The following CD300LB variants were observed in gnomAD, a reference collection of about 807,000 sequenced individuals.
CD300LB encodes CD300 molecule like family member b.
A neutral mutation model predicts 20.8 loss-of-function variants in CD300LB; 18 were observed. The ratio of observed to expected loss-of-function variants is 0.87; its 90% confidence interval spans 0.60 to 1.28. The LOEUF is 1.28. CD300LB is among the 50% of genes most tolerant of loss of function. The pLI is 0.00. For synonymous variants in CD300LB, 91 were observed against 91.3 expected, an observed-to-expected ratio of 1.00 and a Z score of 0.02; for missense variants, 222 against 251.8, an observed-to-expected ratio of 0.88 and a Z score of 0.80.
At chr17:74,523,171 A>G in intron 3 of CD300LB, 1 of 527,212 alleles carries the variant, frequency 1.9e-6, no homozygotes, top group Admixed American at 3.2e-5. Context: ...CAGAAGCGCC[A>G]GAGGTCACCA....
chr17:74,526,005 T>A lies in CD300LB; in HGVS notation c.113A>T (p.Tyr38Phe), dbSNP rs1382608249. The A allele has an allele frequency of 6.2e-7, 1 of 1,614,174 alleles. No homozygotes were observed. Among genetic ancestry groups the A allele is most frequent in the Admixed American group, 1.7e-5 (1 of 60,018 alleles). ...EQGSLTVQCH[Y>F]KQGWETYIKW... ...AATGTAGGTCTCCCATCCTTGCTTA[T>A]AGTGGCATTGAACCGTCAGGGACCC... The change falls in exon 2 of 4, where the codon TAT (tyrosine) becomes TTT (phenylalanine). Residue 38 changes from tyrosine (Y) to phenylalanine (F), a missense_variant. Physicochemically the swap from Tyr to Phe is conservative, Grantham distance 22. Transcript: ENST00000392621.
At chr17:74,528,632 C>T (rs574673058) in intron 1 of CD300LB, among the ~76,000 whole-genome samples, 26 of 139,338 alleles carry the variant, frequency 1.9e-4, no homozygotes, top group African/African-American at 6.9e-4. Context: ...AGATGCTCCT[C>T]AGTTTTTTTT....
At chr17:74,528,495 C>A (rs530625566) in intron 1 of CD300LB, among the ~76,000 whole-genome samples, 17 of 152,210 alleles carry the variant, frequency 1.1e-4, no homozygotes, top group Non-Finnish European at 1.9e-4. Flanking sequence ...GCAGAACCAA[C>A]TTGATTCTCT....
Position 74,522,064 on chromosome 17 carries a change from G to A in CD300LB, c.*674C>T. The A allele has an allele frequency of 2.0e-6, 2 of 985,518 alleles. No individual in the cohort carries two copies. Among genetic ancestry groups the A allele is most frequent in the South Asian group, 9.4e-5 (2 of 21,286 alleles). The allele number at this position is 985,518 out of a possible 1,614,324, so 61.0% of individuals were successfully genotyped here. A position where few individuals can be genotyped will look rare whatever the true frequency, so the allele number is the denominator to read the frequency against. On this transcript the variant is annotated 3_prime_UTR_variant, in exon 4 of 4. Transcript: ENST00000392621. ...TCGGAGGTGGGGGAATAGGCAGGGA[G>A]CTTGGGGAGCTAGGAGGAGGAAGAG...
At chr17:74,525,513 C>T (rs1391763341) in intron 2 of CD300LB, among the ~76,000 whole-genome samples, 1 of 152,096 alleles carries the variant, frequency 6.6e-6, no homozygotes, top group Non-Finnish European at 1.5e-5. Flanking sequence ...CACCTGGATT[C>T]CTTGGAGAGA....
chr17:74,529,360 C>T lies in CD300LB; in HGVS notation c.40+1951G>A, dbSNP rs930021702. Reference sequence around the variant, plus strand: ...ATAATCTTGTCTTTTGTGTTTCCAACCTCATATCCAACTCGCCACCCCCAA... The same window carrying T: ...ATAATCTTGTCTTTTGTGTTTCCAATCTCATATCCAACTCGCCACCCCCAA... On this transcript the variant is annotated intron_variant, in intron 1 of 3. Coordinates refer to ENST00000392621, the MANE Select transcript of CD300LB (RefSeq NM_174892.4). Among the ~76,000 whole-genome samples the T allele has an allele frequency of 3.0e-4, 45 of 152,200 alleles. 1 individual carries two copies. The highest frequency in any genetic ancestry group is 1.0e-3 in the African/African-American group (43 of 41,528).
intron 1 of CD300LB, among the ~76,000 whole-genome samples, chr17:74,526,471 G>A (rs1908040430): frequency 6.6e-6 from 1 of 152,198 alleles, no homozygotes; most frequent in Non-Finnish European, 1.5e-5. Flanking sequence ...CCAGCACTTT[G>A]GGAAGCCAAG....
At position 74,525,857 on chromosome 17, in the gene CD300LB, G is replaced by C; in HGVS notation, c.261C>G (p.Phe87Leu). 6.2e-7 allele frequency: 1 copy of C among 1,614,138 alleles called. No homozygotes were observed. The highest frequency in any genetic ancestry group is 8.5e-7 in the Non-Finnish European group (1 of 1,180,050). Residue 87 changes from phenylalanine (F) to leucine (L), a missense_variant, in exon 2 of 4, where the codon TTC becomes TTG. By Grantham distance (22) the Phe-to-Leu change is conservative. Transcript: ENST00000392621. ...GCCTGAGCCCCTCCATGGTCACAGT[G>C]AACGTGCGGTCTTTCTGATTGTCCT... ...SIKDNQKDRTFTVTMEGLRRD... is the reference protein window; with the variant it reads ...SIKDNQKDRTLTVTMEGLRRD...
chr17:74,531,308 C>A lies in CD300LB; in HGVS notation c.40+3G>T, dbSNP rs1028176470. ...AAGCGCCCAAGGCCCCAGCCCCACT[C>A]ACCTGAGAGGCTGAGAAGGAGCAGA... On this transcript the variant is annotated splice_donor_region_variant and intron_variant, in intron 1 of 3. Transcript: ENST00000392621. 2.5e-6 allele frequency: 4 copies of A among 1,580,512 alleles called. No individual in the cohort carries two copies. In the African/African-American group the frequency reaches 5.5e-5, roughly 22 times the overall value.
Position 74,531,342 on chromosome 17 carries a change from C to T in CD300LB, c.9G>A (p.Leu3=). MW[L]PPALLLLSLS... ...GGCTGAGAAGGAGCAGAGCAGGGGG[C>T]AGCCACATGGCTCTGCCTTCCCGGC... Residue 3 remains leucine, a synonymous_variant, in exon 1 of 4, where the codon CTG becomes CTA. Coordinates refer to ENST00000392621, the MANE Select transcript of CD300LB (RefSeq NM_174892.4). 1 of 1,607,976 alleles carries T rather than the reference C, an allele frequency of 6.2e-7. No homozygotes were observed. Among genetic ancestry groups the T allele is most frequent in the Non-Finnish European group, 8.5e-7 (1 of 1,176,922 alleles).
At chr17:74,523,687 A>G in intron 2 of CD300LB, 36 bp from the exon 3 acceptor site, 3 of 1,468,242 alleles carry the variant, frequency 2.0e-6, no homozygotes, top group Non-Finnish European at 1.9e-6. Flanking sequence ...GGTTATTAGC[A>G]CAGTTGGGAG....
chr17:74,530,551 A>ACC (rs946365403), intron 1 of CD300LB, among the ~76,000 whole-genome samples: 5 of 8,724 alleles, frequency 5.7e-4, no homozygotes, highest in African/African-American at 3.8e-3. Context: ...AGGTCCCCCA[A>ACC]CACACACACA....
In CD300LB at chr17:74,525,943, T is replaced by C. The variant is rs1908019299; in HGVS notation, c.175A>G (p.Lys59Glu). The change falls in exon 2 of 4, where the codon AAG (lysine) becomes GAG (glutamate). Residue 59 changes from lysine (K) to glutamate (E), a missense_variant. Physicochemically the swap from Lys to Glu is moderately conservative, Grantham distance 56 (BLOSUM62 1). Coordinates refer to ENST00000392621, the MANE Select transcript of CD300LB (RefSeq NM_174892.4). ...WCRGVRWDTC[K>E]ILIETRGSEQ... is the part of the protein sequence containing the mutation. ...GACCCTCTGGTTTCAATGAGGATCT[T>C]GCATGTATCCCAGCGCACCCCTCGG... is the stretch of plus-strand genomic sequence containing the variant. 3 of 1,614,166 alleles carry C rather than the reference T, an allele frequency of 1.9e-6. No homozygotes were observed. Among genetic ancestry groups the C allele is most frequent in the Non-Finnish European group, 2.5e-6 (3 of 1,180,030 alleles).
At chr17:74,529,374 C>T (rs956856280) in intron 1 of CD300LB, among the ~76,000 whole-genome samples, 2 of 152,092 alleles carry the variant, frequency 1.3e-5, no homozygotes, top group African/African-American at 4.8e-5. Flanking sequence ...ATATCCAACT[C>T]GCCACCCCCA....
At chr17:74,524,014 A>T (rs1191117022) in intron 2 of CD300LB, among the ~76,000 whole-genome samples, 1 of 152,176 alleles carries the variant, frequency 6.6e-6, no homozygotes, top group Non-Finnish European at 1.5e-5. Context: ...GTGCCTGAGC[A>T]GGGCTTAAGG....
intron 2 of CD300LB, among the ~76,000 whole-genome samples, chr17:74,524,324 C>T (rs1907968556): frequency 6.6e-6 from 1 of 152,154 alleles, no homozygotes; most frequent in African/African-American, 2.4e-5. Flanking sequence ...CACGGTGGTT[C>T]ACGCCTGTAA....
In CD300LB at chr17:74,522,513, A is replaced by G; in HGVS notation, c.*225T>C. The G allele has an allele frequency of 7.6e-7, 1 of 1,322,842 alleles. No homozygotes were observed. The highest frequency in any genetic ancestry group is 3.1e-5 in the East Asian group (1 of 32,064). The allele number at this position is 1,322,842 out of a possible 1,614,324, so 81.9% of individuals were successfully genotyped here. ...CATCTCTACAGCTCCTGACCAAGAG[A>G]ACAGGTGCTGGCACCCCAGGAGGTG... On this transcript the variant is annotated 3_prime_UTR_variant, in exon 4 of 4. Transcript: ENST00000392621.
At position 74,522,242 on chromosome 17, in the gene CD300LB, T is replaced by C. The variant is rs969860672; in HGVS notation, c.*496A>G. On this transcript the variant is annotated 3_prime_UTR_variant, in exon 4 of 4. Coordinates refer to ENST00000392621, the MANE Select transcript of CD300LB (RefSeq NM_174892.4). ...GAACTCATCCCAGAATCACCCTCCT[T>C]GTGTGTGGGATCAGAGAGGTTTCCT... 1.7e-5 allele frequency: 17 copies of C among 986,168 alleles called. No homozygotes were observed. Among genetic ancestry groups the C allele is most frequent in the South Asian group, 4.6e-5 (1 of 21,618 alleles). 61.1% of individuals were successfully genotyped at this position (986,168 alleles called of 1,614,324 possible). A position where few individuals can be genotyped will look rare whatever the true frequency, so the allele number is the denominator to read the frequency against.
Position 74,522,736 on chromosome 17 carries a change from C to G in CD300LB, c.*2G>C. 1 of 1,614,142 alleles carries G rather than the reference C, an allele frequency of 6.2e-7. No individual in the cohort carries two copies. Among genetic ancestry groups the G allele is most frequent in the Non-Finnish European group, 8.5e-7 (1 of 1,179,980 alleles). On this transcript the variant is annotated 3_prime_UTR_variant, in exon 4 of 4. Transcript: ENST00000392621. The stretch of plus-strand genomic sequence containing the variant: ...GCAGGAAGGCTCTGCAGATCCATCT[C>G]TCTAAGTGGCCATGTCTTTAGTCAG...
Sources: allele counts gnomAD v4.1 joint callset (sites outside exome capture counted in the v4.1 genomes callset), GRCh38; gene constraint gnomAD v4.1.1; transcripts MANE v1.5; gene names NCBI Gene and HGNC (gene_info 2026-07-23, HGNC 2026-07-21).